JMY: variants seen among roughly 807,000 people sequenced by gnomAD.
JMY encodes the protein junction mediating and regulatory protein, p53 cofactor, also known as junction-mediating and -regulatory protein.
Under a neutral mutation model 103.3 loss-of-function variants are expected in JMY, and 46 were observed. The ratio of observed to expected loss-of-function variants is 0.45; its 90% confidence interval spans 0.35 to 0.57. The LOEUF (loss-of-function observed/expected upper bound fraction) is 0.57. Ranked by LOEUF, JMY falls within the 20% of genes least tolerant of loss-of-function variation. JMY has a pLI of 0.00. For missense variants in JMY, 1,238 were observed against 1,255.2 expected, an observed-to-expected ratio of 0.99 and a Z score of 0.21; for synonymous variants, 526 against 489.3, an observed-to-expected ratio of 1.07 and a Z score of -0.99.
intron 1 of JMY, among the ~76,000 whole-genome samples, chr5:79,250,364 C>T (rs1017033640): frequency 1.3e-5 from 2 of 152,138 alleles, no homozygotes; most frequent in East Asian, 3.8e-4. Context: ...GACAGGTGGT[C>T]CTTTTGATAC....
chr5:79,258,067 AT>A, intron 1 of JMY, among the ~76,000 whole-genome samples: 1 of 152,092 alleles, frequency 6.6e-6, no homozygotes, highest in South Asian at 2.1e-4. Flanking sequence ...CCGGCCTTTG[AT>A]TTTTTATACA....
intron 2 of JMY, chr5:79,284,713 A>G (rs573249132): frequency 3.8e-6 from 6 of 1,591,832 alleles, no homozygotes; most frequent in South Asian, 1.1e-5. Flanking sequence ...AGCAAGACTC[A>G]CTTCAAACAC....
chr5:79,288,717 TTTTTTTTTG>T (rs1340669176), intron 2 of JMY, among the ~76,000 whole-genome samples: 7 of 146,078 alleles, frequency 4.8e-5, no homozygotes, highest in African/African-American at 1.9e-4. Flanking sequence ...TTTTGTTTTG[TTTTTTTTTG>T]TTTGTTTGTT....
At position 79,258,305 on chromosome 5, in the gene JMY, G is replaced by T. The variant is rs964824051; in HGVS notation, c.1033-19605G>T. ...AAATTCAGATATTAGGGCTTTTTTT[G>T]TTTTTGTTGTTTTTTTTTTTTTTTT... On this transcript the variant is annotated intron_variant, in intron 1 of 10. Transcript: ENST00000396137. Among the ~76,000 whole-genome samples the T allele has an allele frequency of 1.7e-3, 195 of 116,976 alleles. 2 individuals carry two copies. The highest frequency in any genetic ancestry group is 0.016 in the Middle Eastern group (3 of 192). 76.7% of individuals were successfully genotyped at this position (116,976 alleles called of 152,430 possible).
Position 79,325,714 on chromosome 5 carries a change from TAAG to T in JMY, c.*4116_*4118del, listed in dbSNP as rs1287785374. 1 of 152,174 alleles carries T rather than the reference TAAG, an allele frequency of 6.6e-6. No individual in the cohort carries two copies. The highest frequency in any genetic ancestry group is 2.4e-5 in the African/African-American group (1 of 41,444). 9.4% of individuals were successfully genotyped at this position (152,174 alleles called of 1,614,324 possible). ...AAAGTGCTCTTTAGTTAAAGCACAT[TAAG>T]AAGGGTCACTGCTTAATTGCTTTGT... On this transcript the variant is annotated 3_prime_UTR_variant, in exon 11 of 11. Coordinates refer to ENST00000396137, the MANE Select transcript of JMY (RefSeq NM_152405.5).
intron 7 of JMY, 81 bp downstream of exon 7, chr5:79,306,542 A>T (rs949329807): frequency 1.0e-6 from 1 of 975,032 alleles, no homozygotes; most frequent in Non-Finnish European, 1.6e-6. Flanking sequence ...AGAGAATGAT[A>T]AAAAAACTTA....
At chr5:79,321,420 AAT>A (rs1335024977) in intron 10 of JMY, among the ~76,000 whole-genome samples, 184 bp from the exon 11 acceptor site, 1 of 152,230 alleles carries the variant, frequency 6.6e-6, no homozygotes, top group Non-Finnish European at 1.5e-5. Flanking sequence ...ATGAAAATCT[AAT>A]AGTCTTTTAA....
Position 79,300,136 on chromosome 5 carries a change from T to C in JMY, c.1528-17T>C, listed in dbSNP as rs768687647. On this transcript the variant is annotated splice_polypyrimidine_tract_variant and intron_variant, in intron 4 of 10. Transcript: ENST00000396137. ...CCCCACCAGCTAGAAATTTTTTAAT[T>C]TGTATTTTCAATGCAGATGCAGAGT... is the stretch of plus-strand genomic sequence containing the variant. 2 of 1,611,192 alleles carry C rather than the reference T, an allele frequency of 1.2e-6. No homozygotes were observed. Among genetic ancestry groups the C allele is most frequent in the South Asian group, 2.2e-5 (2 of 90,434 alleles).
intron 1 of JMY, 132 bp downstream of exon 1, chr5:79,237,814 G>T: frequency 9.4e-6 from 7 of 743,346 alleles, no homozygotes; most frequent in Non-Finnish European, 1.5e-5. Context: ...AAACCAAGAG[G>T]GGTTCCTGAT....
intron 1 of JMY, among the ~76,000 whole-genome samples, chr5:79,251,768 T>A (rs192516474): frequency 2.0e-5 from 3 of 152,128 alleles, no homozygotes; most frequent in African/African-American, 7.2e-5. Flanking sequence ...TTTATTTTTT[T>A]ATTTTTATTT....
chr5:79,289,122 C>T (rs753110959), intron 2 of JMY, among the ~76,000 whole-genome samples: 1 of 151,510 alleles, frequency 6.6e-6, no homozygotes, highest in Non-Finnish European at 1.5e-5. Context: ...GTAATCCCAG[C>T]TACTCAGGAG....
intron 2 of JMY, among the ~76,000 whole-genome samples, chr5:79,280,381 C>T (rs1746071749): frequency 6.6e-6 from 1 of 152,160 alleles, no homozygotes; most frequent in Non-Finnish European, 1.5e-5. Flanking sequence ...CCCTACTTGT[C>T]AGCCTATATT....
intron 1 of JMY, among the ~76,000 whole-genome samples, chr5:79,244,287 C>T (rs903301372): frequency 2.0e-5 from 3 of 152,154 alleles, no homozygotes; most frequent in African/African-American, 7.2e-5. Flanking sequence ...AAGCATGAGC[C>T]ACCACGCCTG....
chr5:79,248,703 A>T (rs1744984868), intron 1 of JMY, among the ~76,000 whole-genome samples: 1 of 152,186 alleles, frequency 6.6e-6, no homozygotes, highest in South Asian at 2.1e-4. Context: ...CTAGTCCAGA[A>T]GGGAGGACAG....
At chr5:79,271,841 C>T (rs1269325832) in intron 1 of JMY, among the ~76,000 whole-genome samples, 1 of 152,122 alleles carries the variant, frequency 6.6e-6, no homozygotes, top group Non-Finnish European at 1.5e-5. Context: ...GGCGCAGTGG[C>T]TCACGCCTGT....
At position 79,273,994 on chromosome 5, in the gene JMY, C is replaced by G. The variant is rs55752739; in HGVS notation, c.1033-3916C>G. 9.5e-4 allele frequency among the ~76,000 whole-genome samples: 144 copies of G among 152,158 alleles called. 2 individuals are homozygous for G. The highest frequency in any genetic ancestry group is 3.3e-3 in the African/African-American group (139 of 41,532). ...TACAGGTGCCCGCCACCATGCCTGG[C>G]TAATTTTTGTATTTTTAGTAGAGAT... On this transcript the variant is annotated intron_variant, in intron 1 of 10. Coordinates refer to ENST00000396137, the MANE Select transcript of JMY (RefSeq NM_152405.5).
chr5:79,251,375 C>T (rs1745079433), intron 1 of JMY, among the ~76,000 whole-genome samples: 1 of 151,968 alleles, frequency 6.6e-6, no homozygotes, highest in Non-Finnish European at 1.5e-5. Context: ...GGGACTACAG[C>T]CATGCGCCAC....
At chr5:79,319,153 C>T (rs1747356429) in intron 10 of JMY, among the ~76,000 whole-genome samples, 1 of 152,188 alleles carries the variant, frequency 6.6e-6, no homozygotes, top group Non-Finnish European at 1.5e-5. Context: ...ATTGCATCAG[C>T]ATTTTGTATA....
intron 4 of JMY, among the ~76,000 whole-genome samples, chr5:79,293,680 G>C (rs1312650211): frequency 2.0e-5 from 3 of 152,142 alleles, no homozygotes; most frequent in Non-Finnish European, 4.4e-5. Flanking sequence ...ATTTTAGTAG[G>C]TTCTCAAATT....
Sources: gnomAD v4.1 joint callset for allele counts (sites outside exome capture counted in the v4.1 genomes callset) on GRCh38, gnomAD v4.1.1 for gene constraint, MANE v1.5 for transcripts, NCBI Gene and HGNC (gene_info 2026-07-23, HGNC 2026-07-21) for gene names.